NBAS: variants seen among roughly 807,000 people sequenced by gnomAD.
NBAS encodes NAG/BC035112 fusion.
Under a neutral mutation model 302.5 loss-of-function variants are expected in NBAS, and 219 were observed. That is an observed-to-expected ratio of 0.72 (90% CI 0.65 to 0.81). NBAS has a LOEUF of 0.81. Ranked by LOEUF, NBAS falls within the 30% of genes least tolerant of loss-of-function variation. The pLI is 0.00. For missense variants in NBAS, 2,932 were observed against 2,841.6 expected (o/e 1.03, Z -0.72); for synonymous variants, 1,118 against 1,021.6 (o/e 1.09, Z -1.80).
intron 38 of NBAS, among the ~76,000 whole-genome samples, chr2:15,312,669 T>G (rs1671333070): frequency 6.6e-6 from 1 of 152,240 alleles, no homozygotes; most frequent in African/African-American, 2.4e-5. Context: ...ACCAACTCCT[T>G]GTTGGACACT....
intron 35 of NBAS, among the ~76,000 whole-genome samples, chr2:15,348,070 G>A (rs546528977): frequency 5.9e-5 from 9 of 152,146 alleles, no homozygotes; most frequent in Non-Finnish European, 1.0e-4. Context: ...AATTTAATGT[G>A]GTTATTATAT....
At chr2:15,507,055 G>C (rs1056516074) in intron 10 of NBAS, among the ~76,000 whole-genome samples, 1 of 152,172 alleles carries the variant, frequency 6.6e-6, no homozygotes, top group African/African-American at 2.4e-5. Flanking sequence ...TAGCTAGAGG[G>C]CAAAGTGGAG....
intron 25 of NBAS, among the ~76,000 whole-genome samples, chr2:15,404,431 C>T (rs1295237310): frequency 2.0e-5 from 3 of 152,060 alleles, no homozygotes; most frequent in African/African-American, 4.8e-5. Flanking sequence ...AAATAAAAGC[C>T]AAAGTCCTTG....
the NBAS span, among the ~76,000 whole-genome samples, chr2:14,979,798 T>C: frequency 6.6e-6 from 1 of 152,268 alleles, no homozygotes; most frequent in South Asian, 2.1e-4. Context: ...GGACACGGAA[T>C]AGATACTGTT....
At chr2:15,335,143 C>A (rs1672520257) in intron 35 of NBAS, among the ~76,000 whole-genome samples, 1 of 146,050 alleles carries the variant, frequency 6.8e-6, no homozygotes, top group East Asian at 2.0e-4. Flanking sequence ...TTGAGACCAG[C>A]CTGGGCAATG....
chr2:14,863,723 A>G, the NBAS span, among the ~76,000 whole-genome samples: 9 of 152,346 alleles, frequency 5.9e-5, no homozygotes, highest in Non-Finnish European at 1.0e-4. Flanking sequence ...AAAGATAGTC[A>G]GAAACGAATT....
At chr2:15,011,542 C>G in the NBAS span, among the ~76,000 whole-genome samples, 2 of 152,156 alleles carry the variant, frequency 1.3e-5, no homozygotes, top group Non-Finnish European at 2.9e-5. Context: ...GCACCCATAT[C>G]CTGGGCCTGA....
the NBAS span, among the ~76,000 whole-genome samples, chr2:15,025,857 G>T: frequency 6.6e-6 from 1 of 152,064 alleles, no homozygotes; most frequent in South Asian, 2.1e-4. Context: ...CTCAAGTAGC[G>T]TTTGAGCAGA....
intron 6 of NBAS, among the ~76,000 whole-genome samples, chr2:15,541,801 G>A (rs1663844043): frequency 1.2e-5 from 1 of 80,716 alleles, no homozygotes; most frequent in African/African-American, 4.5e-5. Flanking sequence ...CCGGGAGGGA[G>A]GTGGGGGGGT....
intron 21 of NBAS, among the ~76,000 whole-genome samples, chr2:15,445,351 TG>T (rs1348884472): frequency 6.7e-6 from 1 of 149,104 alleles, no homozygotes; most frequent in Non-Finnish European, 1.5e-5. Context: ...TCATGTCCTT[TG>T]TAGGGACATG....
At chr2:15,196,425 C>G (rs1393959583) in intron 48 of NBAS, among the ~76,000 whole-genome samples, 4 of 152,086 alleles carry the variant, frequency 2.6e-5, no homozygotes, top group Non-Finnish European at 5.9e-5. Flanking sequence ...TTAGGGGAAA[C>G]TAGGCAAAGT....
At chr2:14,940,790 G>T in the NBAS span, among the ~76,000 whole-genome samples, 1 of 152,196 alleles carries the variant, frequency 6.6e-6, no homozygotes, top group Non-Finnish European at 1.5e-5. Flanking sequence ...CTCTGGGAAA[G>T]CTGGAAGAAT....
At chr2:15,320,884 G>A (rs1433563915) in intron 38 of NBAS, among the ~76,000 whole-genome samples, 2 of 152,016 alleles carry the variant, frequency 1.3e-5, no homozygotes, top group Non-Finnish European at 2.9e-5. Flanking sequence ...CATAGAATTG[G>A]AAAAAACTAC....
chr2:14,848,720 C>T, the NBAS span, among the ~76,000 whole-genome samples: 1 of 150,002 alleles, frequency 6.7e-6, no homozygotes, highest in Non-Finnish European at 1.5e-5. Context: ...CAGCATGCAG[C>T]TGGAGATCTG....
the NBAS span, among the ~76,000 whole-genome samples, chr2:15,067,907 T>C: frequency 6.6e-6 from 1 of 152,160 alleles, no homozygotes; most frequent in East Asian, 1.9e-4. Flanking sequence ...CCATATTAAT[T>C]AATTGAGATT....
chr2:15,093,644 G>A, the NBAS span, among the ~76,000 whole-genome samples: 1 of 152,138 alleles, frequency 6.6e-6, no homozygotes, highest in Admixed American at 6.5e-5. Flanking sequence ...AACTTTATCA[G>A]TGTTATTTAC....
At chr2:15,191,013 A>G (rs1298352620) in intron 48 of NBAS, among the ~76,000 whole-genome samples, 2 of 152,152 alleles carry the variant, frequency 1.3e-5, no homozygotes, top group African/African-American at 4.8e-5. Flanking sequence ...TTTCTTTTAC[A>G]TTGAGGCAGT....
intron 36 of NBAS, among the ~76,000 whole-genome samples, chr2:15,328,735 C>A (rs1208439868): frequency 6.6e-6 from 1 of 152,218 alleles, no homozygotes; most frequent in Non-Finnish European, 1.5e-5. Flanking sequence ...AAACAACCAA[C>A]AGCCGAACAA....
chr2:15,011,905 A>G, the NBAS span, among the ~76,000 whole-genome samples: 1 of 152,188 alleles, frequency 6.6e-6, no homozygotes, highest in Non-Finnish European at 1.5e-5. Flanking sequence ...CCCAAGATCC[A>G]TCTATATGAA....
Sources: gnomAD v4.1 joint callset for allele counts (sites outside exome capture counted in the v4.1 genomes callset) on GRCh38, gnomAD v4.1.1 for gene constraint, MANE v1.5 for transcripts, NCBI Gene and HGNC (gene_info 2026-07-23, HGNC 2026-07-21) for gene names.